Variants in LRP1B observed in about 807,000 individuals in gnomAD.
LRP1B encodes the protein LDL receptor related protein 1B.
Under a neutral mutation model 556.6 loss-of-function variants are expected in LRP1B, and 217 were observed. The observed-to-expected ratio is 0.39, with a 90% confidence interval of 0.35 to 0.44. The LOEUF (loss-of-function observed/expected upper bound fraction) is 0.44, where lower values mean the gene tolerates loss of function less well. Ranked by LOEUF, LRP1B falls within the 20% of genes least tolerant of loss-of-function variation. The probability of loss-of-function intolerance (pLI) is 1.00; values close to 1 mark genes in which losing one functional copy is unlikely to be tolerated. For missense variants in LRP1B, 5,053 were observed against 5,620.8 expected, an observed-to-expected ratio of 0.90 and a Z score of 3.23; for synonymous variants, 2,047 against 1,865.8, an observed-to-expected ratio of 1.10 and a Z score of -2.50.
chr2:141,282,128 C>T (rs1365192180), intron 3 of LRP1B, among the ~76,000 whole-genome samples: 12 of 151,984 alleles, frequency 7.9e-5, no homozygotes, highest in Non-Finnish European at 1.6e-4. Flanking sequence ...TTTTGGACCT[C>T]ATTGCTTTCA....
chr2:140,459,308 A>G (rs1196450992), intron 60 of LRP1B, among the ~76,000 whole-genome samples: 2 of 152,216 alleles, frequency 1.3e-5, no homozygotes, highest in African/African-American at 4.8e-5. Flanking sequence ...GGTGATTATT[A>G]TAAGAGCCTT....
chr2:141,247,149 A>C, intron 5 of LRP1B, 77 bp downstream of exon 5: 1 of 1,529,714 alleles, frequency 6.5e-7, no homozygotes, highest in South Asian at 1.1e-5. Flanking sequence ...CTGCTATACC[A>C]CATCTCTAAT....
chr2:142,112,482 G>A (rs928106455), intron 1 of LRP1B, among the ~76,000 whole-genome samples: 2 of 152,008 alleles, frequency 1.3e-5, no homozygotes, highest in Middle Eastern at 3.2e-3. Context: ...AATGTAAAAT[G>A]AGCTATCAAA....
intron 59 of LRP1B, among the ~76,000 whole-genome samples, chr2:140,480,407 A>T (rs1412421513): frequency 6.6e-6 from 1 of 152,190 alleles, no homozygotes; most frequent in Non-Finnish European, 1.5e-5. Flanking sequence ...TCATTAACAT[A>T]TATTTCAAAT....
At chr2:141,476,083 G>A (rs1300364526) in intron 3 of LRP1B, among the ~76,000 whole-genome samples, 1 of 152,012 alleles carries the variant, frequency 6.6e-6, no homozygotes, top group East Asian at 1.9e-4. Context: ...GCTACCTTGG[G>A]GCCAGAGCCC....
At chr2:141,710,294 C>T (rs1190194276) in intron 2 of LRP1B, among the ~76,000 whole-genome samples, 6 of 152,060 alleles carry the variant, frequency 3.9e-5, no homozygotes, top group Non-Finnish European at 8.8e-5. Context: ...TTTCCTTCTA[C>T]ATTGTCTTTT....
chr2:141,091,458 G>A (rs188663723), intron 7 of LRP1B, among the ~76,000 whole-genome samples: 1 of 152,318 alleles, frequency 6.6e-6, no homozygotes, highest in Admixed American at 6.5e-5. Context: ...GCCACTGACT[G>A]TGTGGAGTTT....
At chr2:140,335,485 A>G (rs1346286156) in intron 78 of LRP1B, 130 bp downstream of exon 78, 1 of 653,538 alleles carries the variant, frequency 1.5e-6, no homozygotes, top group African/African-American at 1.8e-5. Flanking sequence ...AAGAAATAGT[A>G]CAAGGATATT....
intron 2 of LRP1B, among the ~76,000 whole-genome samples, chr2:141,563,287 GAAGT>G (rs1559142858): frequency 1.3e-5 from 2 of 152,026 alleles, no homozygotes; most frequent in Non-Finnish European, 2.9e-5. Context: ...AGATTTGGAA[GAAGT>G]AAGCACTAGA....
intron 18 of LRP1B, among the ~76,000 whole-genome samples, chr2:140,958,763 C>G (rs368256334): frequency 6.6e-6 from 1 of 151,428 alleles, no homozygotes. Context: ...TGTATAAAAC[C>G]TGAATTAACC....
intron 1 of LRP1B, among the ~76,000 whole-genome samples, chr2:142,075,372 T>C (rs1705459199): frequency 6.6e-6 from 1 of 152,060 alleles, no homozygotes; most frequent in South Asian, 2.1e-4. Flanking sequence ...AGAGAAAATT[T>C]GAGGGAACAA....
At chr2:141,975,228 A>G (rs1206477192) in intron 1 of LRP1B, among the ~76,000 whole-genome samples, 1 of 152,160 alleles carries the variant, frequency 6.6e-6, no homozygotes, top group East Asian at 1.9e-4. Flanking sequence ...CCAAAGTGAC[A>G]CTTTGGGCTG....
chr2:142,055,345 T>A (rs1255867853), intron 1 of LRP1B, among the ~76,000 whole-genome samples: 1 of 152,120 alleles, frequency 6.6e-6, no homozygotes, highest in African/African-American at 2.4e-5. Flanking sequence ...GATAACAGGG[T>A]AATCTAATGG....
intron 7 of LRP1B, among the ~76,000 whole-genome samples, chr2:141,074,769 A>G (rs1679796595): frequency 6.6e-6 from 1 of 151,840 alleles, no homozygotes; most frequent in African/African-American, 2.4e-5. Context: ...CCATTCTGGC[A>G]TAGAAAAATA....
intron 2 of LRP1B, among the ~76,000 whole-genome samples, chr2:141,617,112 T>C (rs778674260): frequency 1.3e-5 from 2 of 152,238 alleles, no homozygotes; most frequent in Non-Finnish European, 2.9e-5. Flanking sequence ...CTCTATAAAA[T>C]AGCTTACTGT....
At chr2:140,878,461 T>C (rs1289615318) in intron 25 of LRP1B, among the ~76,000 whole-genome samples, 1 of 152,036 alleles carries the variant, frequency 6.6e-6, no homozygotes, top group Non-Finnish European at 1.5e-5. Context: ...AAGGTTAATA[T>C]AAAGCTGATA....
intron 72 of LRP1B, among the ~76,000 whole-genome samples, chr2:140,363,443 G>T (rs1281967371): frequency 6.6e-6 from 1 of 151,404 alleles, no homozygotes. Context: ...CACTGGTTTT[G>T]TGGTCAAGTG....
At position 140,314,936 on chromosome 2, in the gene LRP1B, T is replaced by C; in HGVS notation, c.12804A>G (p.Leu4268=). Residue 4268 remains leucine, a splice_region_variant and synonymous_variant, in exon 83 of 91, where the codon CTA becomes CTG. Transcript: ENST00000389484. ...ATACAATGACAATGAAATATTTACC[T>C]AGAACTGATGGTACGCAAGTTCCTC... ...QNGGTCVPSV[L]GRPTCSCALG... The C allele has an allele frequency of 6.3e-7, 1 of 1,597,700 alleles. No homozygotes were observed. The highest frequency in any genetic ancestry group is 1.3e-5 in the African/African-American group (1 of 74,508).
At chr2:140,678,860 C>A (rs1471380745) in intron 41 of LRP1B, among the ~76,000 whole-genome samples, 2 of 151,672 alleles carry the variant, frequency 1.3e-5, no homozygotes, top group African/African-American at 2.4e-5. Flanking sequence ...TCACTGCAAC[C>A]TCCGCCTCCC....
Sources: allele counts gnomAD v4.1 joint callset (sites outside exome capture counted in the v4.1 genomes callset), GRCh38; gene constraint gnomAD v4.1.1; transcripts MANE v1.5; gene names NCBI Gene and HGNC (gene_info 2026-07-23, HGNC 2026-07-21).